CFAP54: variants seen among roughly 807,000 people sequenced by gnomAD.
The protein encoded by CFAP54 is cilia- and flagella-associated protein 54.
Under a neutral mutation model 370.4 loss-of-function variants are expected in CFAP54, and 290 were observed. The ratio of observed to expected loss-of-function variants is 0.78; its 90% CI spans 0.71 to 0.86. The LOEUF (loss-of-function observed/expected upper bound fraction) is 0.86. Among genes scored for constraint, CFAP54 ranks in the 40% least tolerant of loss-of-function variants. The pLI is 0.00. For synonymous variants in CFAP54, 1,206 were observed against 1,236.5 expected, an observed-to-expected ratio of 0.98 and a Z score of 0.52; for missense variants, 3,399 against 3,528.7, an observed-to-expected ratio of 0.96 and a Z score of 0.93.
rs1373552023 is a variant in CFAP54 at position 96,564,744 on chromosome 12, A to G, written c.2598A>G (p.Thr866=). The part of the protein sequence containing the change: ...LLIFEKDATS[T]SSWELLMEAY... ...TATTCGAGAAAGATGCAACTTCTAC[A>G]TCTTCATGGGAACTTTTGATGGTAA... Residue 866 remains threonine, a synonymous_variant, in exon 19 of 68, where the codon ACA becomes ACG. Coordinates refer to ENST00000524981, the MANE Select transcript of CFAP54 (RefSeq NM_001306084.2). 4 of 621,278 alleles carry G rather than the reference A, an allele frequency of 6.4e-6. No homozygotes were observed. Among genetic ancestry groups the G allele is most frequent in the Admixed American group, 3.0e-5 (1 of 32,860 alleles). The allele number at this position is 621,278 out of a possible 1,614,324, so 38.5% of individuals were successfully genotyped here. A position where few individuals can be genotyped will look rare whatever the true frequency, so the allele number is the denominator to read the frequency against.
intron 66 of CFAP54, among the ~76,000 whole-genome samples, chr12:96,842,301 T>C (rs1959227184): frequency 6.6e-6 from 1 of 152,216 alleles, no homozygotes; most frequent in Non-Finnish European, 1.5e-5. Context: ...TATCCTTTAC[T>C]CAGTTTCTTC....
chr12:96,737,479 A>T (rs928728822), intron 50 of CFAP54, among the ~76,000 whole-genome samples: 4 of 145,820 alleles, frequency 2.7e-5, no homozygotes, highest in Non-Finnish European at 6.0e-5. Context: ...ATTATATTTT[A>T]TATATATATA....
At chr12:96,655,554 A>G (rs1259514330) in intron 36 of CFAP54, among the ~76,000 whole-genome samples, 1 of 152,178 alleles carries the variant, frequency 6.6e-6, no homozygotes, top group Non-Finnish European at 1.5e-5. Context: ...GAATACTTAC[A>G]TTTATCCCAC....
Position 96,750,285 on chromosome 12 carries a change from T to TGCAGCAGCA in CFAP54, c.7685-3437_7685-3429dup, listed in dbSNP as rs372696653. Among the ~76,000 whole-genome samples the TGCAGCAGCA allele has an allele frequency of 1.9e-4, 29 of 151,632 alleles. 1 individual carries two copies. Among genetic ancestry groups the TGCAGCAGCA allele is most frequent in the Admixed American group, 5.9e-4 (9 of 15,192 alleles). ...CACCTTCTAGGACCCACCTGTCTCC[T>TGCAGCAGCA]GCAGCAGCAGCAGCAGCAGCAGCAG... is the stretch of plus-strand genomic sequence containing the variant. On this transcript the variant is annotated intron_variant, in intron 55 of 67. Coordinates refer to ENST00000524981, the MANE Select transcript of CFAP54 (RefSeq NM_001306084.2).
At chr12:96,683,922 G>A (rs553675798) in intron 40 of CFAP54, among the ~76,000 whole-genome samples, 1 of 152,262 alleles carries the variant, frequency 6.6e-6, no homozygotes, top group Non-Finnish European at 1.5e-5. Flanking sequence ...CTACCAAGTA[G>A]CTGGGATTAC....
chr12:96,525,395 C>A (rs1195942749), intron 8 of CFAP54, among the ~76,000 whole-genome samples: 1 of 151,612 alleles, frequency 6.6e-6, no homozygotes, highest in Non-Finnish European at 1.5e-5. Context: ...AGCTTTAATT[C>A]TTTTTTATAG....
At chr12:96,522,236 A>C (rs1402442558) in intron 8 of CFAP54, 47 bp downstream of exon 8, 1 of 1,260,002 alleles carries the variant, frequency 7.9e-7, no homozygotes, top group Admixed American at 2.3e-5. Flanking sequence ...TTTGCAGTAT[A>C]TTTGTATTAT....
intron 26 of CFAP54, among the ~76,000 whole-genome samples, chr12:96,612,907 C>T (rs750236121): frequency 3.3e-5 from 5 of 152,138 alleles, no homozygotes; most frequent in Non-Finnish European, 7.3e-5. Flanking sequence ...CTTAGACTCC[C>T]ACATAATAAT....
In CFAP54 at chr12:96,654,832, A is replaced by ATTTTTTTT. The variant is rs10631171; in HGVS notation, c.5100+3026_5100+3033dup. On this transcript the variant is annotated intron_variant, in intron 36 of 67. Transcript: ENST00000524981. ...TTTTGTGTCTGGCTCATTTCACTTAATTTTTTTTTTTTTTTTAAGAAATGA... is the reference window on the plus strand; with the variant it reads ...TTTTGTGTCTGGCTCATTTCACTTAATTTTTTTTTTTTTTTTTTTTTTTTAAGAAATGA... Among the ~76,000 whole-genome samples the ATTTTTTTT allele has an allele frequency of 9.1e-5, 12 of 132,122 alleles. No homozygotes were observed. The East Asian group carries it at 1.3e-3, about 15-fold the overall frequency. 86.7% of individuals were successfully genotyped at this position (132,122 alleles called of 152,430 possible). A position where few individuals can be genotyped will look rare whatever the true frequency, so the allele number is the denominator to read the frequency against.
chr12:96,677,140 C>G (rs1160748588), intron 39 of CFAP54, among the ~76,000 whole-genome samples: 2 of 151,980 alleles, frequency 1.3e-5, no homozygotes, highest in Admixed American at 1.3e-4. Context: ...GTAGCTAGGA[C>G]TACAGGCACA....
At chr12:96,637,118 T>G (rs1956671225) in intron 32 of CFAP54, among the ~76,000 whole-genome samples, 1 of 152,264 alleles carries the variant, frequency 6.6e-6, no homozygotes, top group Non-Finnish European at 1.5e-5. Context: ...ATTTGCCTAT[T>G]CCGGCTGTTT....
intron 25 of CFAP54, among the ~76,000 whole-genome samples, chr12:96,595,255 G>T (rs1956165836): frequency 6.6e-6 from 1 of 152,044 alleles, no homozygotes; most frequent in African/African-American, 2.4e-5. Flanking sequence ...GCTGTGAGGA[G>T]CCTTATCTAG....
chr12:96,671,968 A>AAGAG lies in CFAP54; in HGVS notation c.5564-7620_5564-7617dup, dbSNP rs145541657. Reference sequence around the variant, plus strand: ...AGAGAGAAGGAAAGAGAAAGAAAGAAAGAGAGAGAGAGAGAAAGAAAGAAA... The same window carrying AAGAG: ...AGAGAGAAGGAAAGAGAAAGAAAGAAAGAGAGAGAGAGAGAGAGAAAGAAAGAAA... On this transcript the variant is annotated intron_variant, in intron 39 of 67. Coordinates refer to ENST00000524981, the MANE Select transcript of CFAP54 (RefSeq NM_001306084.2). 2.4e-3 allele frequency among the ~76,000 whole-genome samples: 364 copies of AAGAG among 150,132 alleles called. 1 individual carries two copies. Among genetic ancestry groups the AAGAG allele is most frequent in the African/African-American group, 8.3e-3 (338 of 40,648 alleles).
chr12:96,764,018 G>T, intron 58 of CFAP54, 133 bp from the exon 59 acceptor site: 3 of 522,568 alleles, frequency 5.7e-6, no homozygotes, highest in Admixed American at 3.7e-5. Context: ...AATGTATTTC[G>T]AATATCTTCT....
chr12:96,827,007 T>TTATAATATGTAATTATATGTGATTATA (rs1565993959), intron 65 of CFAP54, among the ~76,000 whole-genome samples: 1 of 122,246 alleles, frequency 8.2e-6, no homozygotes, highest in Admixed American at 8.3e-5. Flanking sequence ...ATATGATTAA[T>TTATAATATGTAATTATATGTGATTATA]TATAATATGC....
chr12:96,726,254 C>T (rs1411386773), intron 50 of CFAP54, among the ~76,000 whole-genome samples: 1 of 151,722 alleles, frequency 6.6e-6, no homozygotes, highest in Non-Finnish European at 1.5e-5. Context: ...AGGAATGGTA[C>T]CAGTTCCTCC....
chr12:96,835,363 C>A (rs924030327), intron 66 of CFAP54, among the ~76,000 whole-genome samples: 1 of 152,088 alleles, frequency 6.6e-6, no homozygotes, highest in Non-Finnish European at 1.5e-5. Context: ...GGAAGGAATG[C>A]ATGCCAGTTG....
intron 66 of CFAP54, among the ~76,000 whole-genome samples, chr12:96,837,173 G>T (rs113013249): frequency 6.6e-6 from 1 of 152,230 alleles, no homozygotes; most frequent in African/African-American, 2.4e-5. Flanking sequence ...ACCACATGCT[G>T]GTTACTGAAA....
intron 19 of CFAP54, among the ~76,000 whole-genome samples, chr12:96,572,112 C>G (rs759416783): frequency 4.6e-5 from 7 of 152,166 alleles, no homozygotes; most frequent in Non-Finnish European, 5.9e-5. Flanking sequence ...CCTTTTCTTT[C>G]ATAATTTTGT....
Sources: allele counts gnomAD v4.1 joint callset (sites outside exome capture counted in the v4.1 genomes callset), GRCh38; gene constraint gnomAD v4.1.1; transcripts MANE v1.5; gene names NCBI Gene and HGNC (gene_info 2026-07-23, HGNC 2026-07-21).